The following NF2 variants were observed in gnomAD, a reference collection of about 807,000 sequenced individuals.
NF2 encodes the protein merlin.
In NF2, 8 loss-of-function variants were observed where a neutral mutation model predicts 83.7. That is an observed-to-expected ratio of 0.10 (90% CI 0.06 to 0.17). The LOEUF is 0.17. Among genes scored for constraint, NF2 ranks in the 10% least tolerant of loss-of-function variants. The probability of loss-of-function intolerance (pLI) is 1.00; values close to 1 mark genes in which losing one functional copy is unlikely to be tolerated. For synonymous variants in NF2, 266 were observed against 269.6 expected, an observed-to-expected ratio of 0.99 and a Z score of 0.13; for missense variants, 533 against 744.4, an observed-to-expected ratio of 0.72 and a Z score of 3.31.
chr22:29,615,794 C>A (rs1033423790), intron 1 of NF2, among the ~76,000 whole-genome samples: 1 of 152,072 alleles, frequency 6.6e-6, no homozygotes, highest in African/African-American at 2.4e-5. Context: ...ACAGAGTTAC[C>A]ATATAACCCC....
intron 15 of NF2, among the ~76,000 whole-genome samples, chr22:29,688,660 G>A (rs1419441487): frequency 3.3e-5 from 5 of 152,246 alleles, no homozygotes; most frequent in Non-Finnish European, 7.3e-5. Context: ...AGCTTTTGCT[G>A]CTTTGGGTCC....
chr22:29,658,469 C>T (rs2066380982), intron 7 of NF2, among the ~76,000 whole-genome samples: 1 of 152,194 alleles, frequency 6.6e-6, no homozygotes, highest in African/African-American at 2.4e-5. Flanking sequence ...TTAAGTGTCA[C>T]TTGAGCCTTG....
At chr22:29,680,853 T>TA (rs34045954) in intron 14 of NF2, among the ~76,000 whole-genome samples, 20,886 of 145,034 alleles carry the variant, frequency 0.14, 1,559 homozygotes, top group African/African-American at 0.2. Flanking sequence ...CAAGATCCTA[T>TA]AAAAAAAAAA....
At chr22:29,609,284 A>G (rs1458029096) in intron 1 of NF2, 3 of 696,684 alleles carry the variant, frequency 4.3e-6, no homozygotes, top group Non-Finnish European at 8.2e-6. Flanking sequence ...CATGGAAGAT[A>G]TGATGTTAAA....
intron 14 of NF2, 106 bp from the exon 15 acceptor site, chr22:29,681,333 C>CGTGAA: frequency 7.2e-7 from 1 of 1,392,080 alleles, no homozygotes; most frequent in Non-Finnish European, 1.0e-6. Flanking sequence ...GAACCCCAGG[C>CGTGAA]CTCAAACCCT....
chr22:29,640,280 G>A (rs9614024), intron 3 of NF2, among the ~76,000 whole-genome samples: 17,390 of 150,108 alleles, frequency 0.12, 1,330 homozygotes, highest in Non-Finnish European at 0.18. Context: ...TTCAGACATC[G>A]TGCTTCATGC....
intron 7 of NF2, among the ~76,000 whole-genome samples, chr22:29,659,896 G>A (rs972860030): frequency 1.3e-5 from 2 of 152,172 alleles, no homozygotes; most frequent in African/African-American, 4.8e-5. Context: ...GTCTCTCATG[G>A]TTTGGTGATA....
At position 29,694,908 on chromosome 22, in the gene NF2, C is replaced by G; in HGVS notation, c.*106C>G. Reference sequence around the variant, plus strand: ...CCATAGGGAGCTGGCTGGGGGTTTCCGTGGGAGCTCCAGAACTTTCCCCAG... The same window carrying G: ...CCATAGGGAGCTGGCTGGGGGTTTCGGTGGGAGCTCCAGAACTTTCCCCAG... On this transcript the variant is annotated 3_prime_UTR_variant, in exon 16 of 16. Transcript: ENST00000338641. This position sits in a 1 kb window ranked among gnomAD's most constrained non-coding sequence, Gnocchi z 4.1. 1 of 1,205,056 alleles carries G rather than the reference C, an allele frequency of 8.3e-7. No individual in the cohort carries two copies. Among genetic ancestry groups the G allele is most frequent in the Non-Finnish European group, 1.2e-6 (1 of 833,094 alleles). The allele number at this position is 1,205,056 out of a possible 1,614,324, so 74.6% of individuals were successfully genotyped here. A position where few individuals can be genotyped will look rare whatever the true frequency, so the allele number is the denominator to read the frequency against.
chr22:29,686,305 A>G (rs1861045312), intron 15 of NF2, among the ~76,000 whole-genome samples: 1 of 152,238 alleles, frequency 6.6e-6, no homozygotes, highest in African/African-American at 2.4e-5. Context: ...ATATTCATTC[A>G]TTGTATTAAT....
At chr22:29,626,614 A>G (rs1447077242) in intron 1 of NF2, among the ~76,000 whole-genome samples, 11 of 152,354 alleles carry the variant, frequency 7.2e-5, no homozygotes, top group South Asian at 2.1e-4. Context: ...TCTGGGTTCA[A>G]TAGAAGCTAG....
In NF2 at chr22:29,651,724, G is replaced by A. The variant is rs1207428449; in HGVS notation, c.448-2933G>A. 2.0e-5 allele frequency among the ~76,000 whole-genome samples: 3 copies of A among 152,194 alleles called. No homozygotes were observed. In the East Asian group the frequency reaches 5.8e-4, roughly 29 times the overall value. On this transcript the variant is annotated intron_variant, in intron 4 of 15. Coordinates refer to ENST00000338641, the MANE Select transcript of NF2 (RefSeq NM_000268.4). ...TTTCAGCAGGGTCTTTGCCACCTCT[G>A]CATTGCTCAAATGTGATGTATTTGA...
At chr22:29,644,649 G>C (rs1196073533) in intron 4 of NF2, among the ~76,000 whole-genome samples, 15 of 152,042 alleles carry the variant, frequency 9.9e-5, no homozygotes, top group African/African-American at 3.1e-4. Context: ...CTGAGTGAAC[G>C]AGACTCCGTC....
At chr22:29,640,181 T>G (rs1601585820) in intron 3 of NF2, among the ~76,000 whole-genome samples, 2 of 114,116 alleles carry the variant, frequency 1.8e-5, no homozygotes, top group African/African-American at 3.5e-5. Flanking sequence ...GGTGACAGAG[T>G]GAGACTCTGT....
intron 1 of NF2, among the ~76,000 whole-genome samples, chr22:29,620,636 G>C (rs2065193725): frequency 6.6e-6 from 1 of 151,756 alleles, no homozygotes; most frequent in Non-Finnish European, 1.5e-5. Flanking sequence ...CTACTTGGGA[G>C]GCTGAGGCAG....
chr22:29,626,421 G>A (rs1200562255), intron 1 of NF2, among the ~76,000 whole-genome samples: 1 of 151,952 alleles, frequency 6.6e-6, no homozygotes, highest in Non-Finnish European at 1.5e-5. Context: ...CAAAGTGCTG[G>A]GATTACATGT....
At chr22:29,657,976 C>A (rs1011391519) in intron 6 of NF2, among the ~76,000 whole-genome samples, 1 of 152,196 alleles carries the variant, frequency 6.6e-6, no homozygotes, top group Non-Finnish European at 1.5e-5. Flanking sequence ...CTCTGACTAT[C>A]TTTTGATGGG....
At chr22:29,685,649 G>A (rs1312098880) in intron 15 of NF2, among the ~76,000 whole-genome samples, 1 of 152,106 alleles carries the variant, frequency 6.6e-6, no homozygotes, top group African/African-American at 2.4e-5. Flanking sequence ...GAGCTCAAGT[G>A]ATCTTCCTGC....
At chr22:29,614,433 T>A (rs181658759) in intron 1 of NF2, among the ~76,000 whole-genome samples, 226 of 151,922 alleles carry the variant, frequency 1.5e-3, no homozygotes, top group African/African-American at 5.2e-3. Context: ...AAAAACAAAA[T>A]TAGCTGGGCG....
chr22:29,646,894 A>AT (rs2065997424), intron 4 of NF2, among the ~76,000 whole-genome samples: 3 of 152,134 alleles, frequency 2.0e-5, no homozygotes, highest in African/African-American at 7.2e-5. Context: ...AAATACAAAA[A>AT]TTAGCCAGGC....
Sources: gnomAD v4.1 joint callset for allele counts (sites outside exome capture counted in the v4.1 genomes callset) on GRCh38, gnomAD v4.1.1 for gene constraint, Gnocchi (gnomAD v3.1) non-coding constraint, MANE v1.5 for transcripts, NCBI Gene and HGNC (gene_info 2026-07-23, HGNC 2026-07-21) for gene names.